Variants in FCHSD2 observed in about 807,000 individuals in gnomAD.
FCHSD2 encodes the protein F-BAR and double SH3 domains protein 2.
A neutral mutation model predicts 108.1 loss-of-function variants in FCHSD2; 38 were observed. The observed-to-expected ratio is 0.35, with a 90% CI of 0.27 to 0.46. The LOEUF is 0.46. Among genes scored for constraint, FCHSD2 ranks in the 20% least tolerant of loss-of-function variants. The pLI is 1.00. For synonymous variants in FCHSD2, 279 were observed against 314.7 expected (o/e 0.89, Z 1.20); for missense variants, 751 against 897.8 (o/e 0.84, Z 2.09).
chr11:72,907,299 T>A (rs775289668), intron 9 of FCHSD2, among the ~76,000 whole-genome samples: 3 of 152,212 alleles, frequency 2.0e-5, no homozygotes, highest in Admixed American at 1.3e-4. Flanking sequence ...TTTGACTTAC[T>A]CTTTTCCTAA....
intron 5 of FCHSD2, among the ~76,000 whole-genome samples, chr11:72,995,801 T>G (rs1265420431): frequency 6.6e-6 from 1 of 151,110 alleles, no homozygotes; most frequent in African/African-American, 2.4e-5. Flanking sequence ...AATATAAGAA[T>G]ACAAATAAAA....
At chr11:72,898,667 T>C (rs1013409125) in intron 10 of FCHSD2, among the ~76,000 whole-genome samples, 2 of 152,140 alleles carry the variant, frequency 1.3e-5, no homozygotes, top group Non-Finnish European at 2.9e-5. Context: ...CTTTCAAACT[T>C]TTCTGGCTCT....
chr11:73,008,240 G>A (rs1033441421), intron 4 of FCHSD2, among the ~76,000 whole-genome samples: 1 of 152,150 alleles, frequency 6.6e-6, no homozygotes, highest in African/African-American at 2.4e-5. Context: ...TCAGGAGGCT[G>A]AGGCACAAGA....
intron 14 of FCHSD2, 31 bp from the exon 15 acceptor site, chr11:72,843,563 A>T (rs1370188023): frequency 6.5e-7 from 1 of 1,541,546 alleles, no homozygotes. Context: ...GGACAAAATT[A>T]AAAAGGTTAG....
intron 8 of FCHSD2, among the ~76,000 whole-genome samples, chr11:72,948,313 A>C (rs1394668839): frequency 6.6e-6 from 1 of 152,120 alleles, no homozygotes; most frequent in African/African-American, 2.4e-5. Context: ...CAGCCACTGG[A>C]TATCATAAAT....
At chr11:73,095,520 C>T (rs1342193143) in intron 2 of FCHSD2, among the ~76,000 whole-genome samples, 1 of 152,122 alleles carries the variant, frequency 6.6e-6, no homozygotes, top group Non-Finnish European at 1.5e-5. Context: ...AGAAACATAA[C>T]TGGAAATATG....
At chr11:72,905,789 T>G (rs560654777) in intron 9 of FCHSD2, among the ~76,000 whole-genome samples, 1 of 152,354 alleles carries the variant, frequency 6.6e-6, no homozygotes, top group East Asian at 1.9e-4. Flanking sequence ...TATGGCTGCA[T>G]AGTATTCCAT....
At chr11:72,887,073 G>GAA (rs1591370671) in intron 12 of FCHSD2, among the ~76,000 whole-genome samples, 1 of 148,378 alleles carries the variant, frequency 6.7e-6, no homozygotes, top group Non-Finnish European at 1.5e-5. Flanking sequence ...CCTAAGCTCT[G>GAA]AAAATATATA....
chr11:73,112,725 T>C (rs367689342), intron 2 of FCHSD2, among the ~76,000 whole-genome samples: 3 of 152,230 alleles, frequency 2.0e-5, no homozygotes, highest in Admixed American at 6.5e-5. Flanking sequence ...CTCAGCTCAC[T>C]ACAACCTCTG....
chr11:72,848,698 G>A (rs1243489171), intron 14 of FCHSD2, among the ~76,000 whole-genome samples: 1 of 152,154 alleles, frequency 6.6e-6, no homozygotes, highest in Non-Finnish European at 1.5e-5. Context: ...ATGTGCCTGG[G>A]ATATGCCAAC....
chr11:72,880,269 A>T (rs1483051683), intron 12 of FCHSD2, among the ~76,000 whole-genome samples: 1 of 152,152 alleles, frequency 6.6e-6, no homozygotes, highest in African/African-American at 2.4e-5. Context: ...ATAGAAAAAA[A>T]AATCCTAAAA....
intron 12 of FCHSD2, among the ~76,000 whole-genome samples, chr11:72,879,776 GATA>G (rs1855042482): frequency 2.0e-5 from 3 of 152,032 alleles, no homozygotes. Context: ...TGACATGTAG[GATA>G]ATATCAAGTG....
At chr11:72,975,750 T>C (rs1431833187) in intron 8 of FCHSD2, among the ~76,000 whole-genome samples, 3 of 152,218 alleles carry the variant, frequency 2.0e-5, no homozygotes, top group Non-Finnish European at 4.4e-5. Context: ...ATTTCTGCCA[T>C]ACAGAAAGAT....
intron 2 of FCHSD2, among the ~76,000 whole-genome samples, chr11:73,112,830 C>G (rs1419193234): frequency 2.0e-5 from 3 of 152,078 alleles, no homozygotes; most frequent in Non-Finnish European, 2.9e-5. Flanking sequence ...TATTTATTTA[C>G]TTATTTAGTA....
chr11:72,853,920 A>T (rs1192492116), intron 13 of FCHSD2, among the ~76,000 whole-genome samples: 3 of 152,206 alleles, frequency 2.0e-5, no homozygotes, highest in Admixed American at 1.3e-4. Flanking sequence ...ATTTGAAGAG[A>T]TATCTTTCCA....
chr11:73,068,850 T>TA (rs1413192934), intron 3 of FCHSD2, among the ~76,000 whole-genome samples: 28 of 138,592 alleles, frequency 2.0e-4, no homozygotes, highest in Admixed American at 2.0e-3. Flanking sequence ...AAAAAAAAAT[T>TA]AAAAAAACAA....
chr11:72,951,306 T>C (rs1391702848), intron 8 of FCHSD2, among the ~76,000 whole-genome samples: 2 of 152,116 alleles, frequency 1.3e-5, no homozygotes. Flanking sequence ...AGTGGCAGAG[T>C]TGTAAGCAGT....
intron 3 of FCHSD2, among the ~76,000 whole-genome samples, chr11:73,020,759 C>T (rs1858082216): frequency 6.6e-6 from 1 of 151,760 alleles, no homozygotes; most frequent in Admixed American, 6.6e-5. Context: ...ATATTAATCT[C>T]ATATAATAAT....
At chr11:73,064,877 CT>C (rs773571036) in intron 3 of FCHSD2, among the ~76,000 whole-genome samples, 2 of 152,092 alleles carry the variant, frequency 1.3e-5, no homozygotes, top group Non-Finnish European at 2.9e-5. Flanking sequence ...AGCCTACCAA[CT>C]AAAAAAAGTC....
Sources: allele counts gnomAD v4.1 joint callset (sites outside exome capture counted in the v4.1 genomes callset), GRCh38; gene constraint gnomAD v4.1.1; transcripts MANE v1.5; gene names NCBI Gene and HGNC (gene_info 2026-07-23, HGNC 2026-07-21).